The following POMGNT1 variants were observed in gnomAD, a reference collection of about 807,000 sequenced individuals.
The protein encoded by POMGNT1 is protein O-linked-mannose beta-1,2-N-acetylglucosaminyltransferase 1.
POMGNT1 carries 67 observed loss-of-function variants against 95.6 expected under a neutral mutation model. The ratio of observed to expected loss-of-function variants is 0.70; its 90% CI spans 0.58 to 0.86. POMGNT1 has a LOEUF of 0.86. Among genes scored for constraint, POMGNT1 ranks in the 40% least tolerant of loss-of-function variants. The pLI is 0.00. For synonymous variants in POMGNT1, 298 were observed against 317.9 expected, an observed-to-expected ratio of 0.94 and a Z score of 0.66; for missense variants, 719 against 855.2, an observed-to-expected ratio of 0.84 and a Z score of 1.99.
intron 2 of POMGNT1, 43 bp from the exon 3 acceptor site, chr1:46,197,127 A>G: frequency 6.2e-7 from 1 of 1,613,580 alleles, no homozygotes; most frequent in East Asian, 2.2e-5. Flanking sequence ...CACCTCCTTC[A>G]GATCCTAGAG....
chr1:46,216,341 C>T (rs955371881), intron 1 of POMGNT1, among the ~76,000 whole-genome samples: 4 of 151,538 alleles, frequency 2.6e-5, no homozygotes, highest in Admixed American at 1.3e-4. Context: ...CCACCACGCT[C>T]GGCCCTATTT....
rs1302430730 is a variant in POMGNT1, at chr1:46,189,875, GGTGAA to G, written c.1759_1763del (p.Phe587HisfsTer98). 6.2e-7 allele frequency: 1 copy of G among 1,613,788 alleles called. No homozygotes were observed. The highest frequency in any genetic ancestry group is 8.5e-7 in the Non-Finnish European group (1 of 1,180,012). ...GCACCTTGGCAAGCTGGGTCCAGGT[GGTGAA>G]GTCATCATCTTTCTCCATTCGAATA... On this transcript the variant is annotated frameshift_variant, in exon 20 of 22. Coordinates refer to ENST00000371984, the MANE Select transcript of POMGNT1 (RefSeq NM_017739.4). LOFTEE classifies it high-confidence loss of function.
chr1:46,216,570 A>C (rs1659078062), intron 1 of POMGNT1, among the ~76,000 whole-genome samples: 1 of 151,932 alleles, frequency 6.6e-6, no homozygotes, highest in African/African-American at 2.4e-5. Flanking sequence ...TCAAACTCCT[A>C]GACTCAAGTG....
intron 1 of POMGNT1, among the ~76,000 whole-genome samples, chr1:46,210,714 C>G (rs566488115): frequency 6.6e-6 from 1 of 152,268 alleles, no homozygotes; most frequent in Admixed American, 6.5e-5. Flanking sequence ...CTGTGCTCTC[C>G]CTGGGTGCAC....
chr1:46,190,563 G>T, intron 18 of POMGNT1, 46 bp from the exon 19 acceptor site: 4 of 1,551,464 alleles, frequency 2.6e-6, no homozygotes, highest in Non-Finnish European at 3.6e-6. Flanking sequence ...CAGGCCCTCA[G>T]GTCCCATGGG....
intron 1 of POMGNT1, among the ~76,000 whole-genome samples, chr1:46,219,235 C>T (rs1244427493): frequency 2.0e-5 from 3 of 150,596 alleles, no homozygotes; most frequent in Admixed American, 6.7e-5. Flanking sequence ...GCGGAGGTTG[C>T]GGTGAGCTGA....
rs1434252108 is a variant in POMGNT1, at chr1:46,190,778, AG to A, written c.1545del (p.Tyr516ThrfsTer21). On this transcript the variant is annotated frameshift_variant, in exon 18 of 22. Transcript: ENST00000371984. LOFTEE classifies it high-confidence loss of function. ...GLNMNGYFHE[A>X]YFKKHKFNTV... ...GTGTTGAACTTGTGCTTCTTGAAGT[AG>A]GCCTCCTGGAGTGGGTATGAGAGTG... 1 of 1,613,074 alleles carries A rather than the reference AG, an allele frequency of 6.2e-7. No individual in the cohort carries two copies. Among genetic ancestry groups the A allele is most frequent in the Admixed American group, 1.7e-5 (1 of 60,014 alleles).
intron 20 of POMGNT1, 61 bp from the exon 21 acceptor site, chr1:46,189,628 A>G (rs1322661625): frequency 6.4e-7 from 1 of 1,569,608 alleles, no homozygotes; most frequent in Non-Finnish European, 8.7e-7. Flanking sequence ...GGGGTCACTG[A>G]CGACCCTTTG....
chr1:46,208,881 G>A (rs922695300), intron 1 of POMGNT1, among the ~76,000 whole-genome samples: 3 of 152,072 alleles, frequency 2.0e-5, no homozygotes, highest in African/African-American at 7.2e-5. Context: ...TAAAAGGCAT[G>A]AAGCCGTTAT....
rs754169477 is a variant in POMGNT1 at position 46,193,546 on chromosome 1, C to T, written c.1026+18G>A. The T allele has an allele frequency of 1.2e-6, 2 of 1,614,138 alleles. No homozygotes were observed. Among genetic ancestry groups the T allele is most frequent in the South Asian group, 2.2e-5 (2 of 91,072 alleles). On this transcript the variant is annotated intron_variant, in intron 11 of 21. Coordinates refer to ENST00000371984, the MANE Select transcript of POMGNT1 (RefSeq NM_017739.4). The stretch of plus-strand genomic sequence containing the variant: ...CCATGTTGTACTCCACCCGAGGCAC[C>T]CCCCAAGTCCTGCTCACCTCATAGT...
chr1:46,188,925 G>A lies in POMGNT1; in HGVS notation c.*345C>T. 2 of 1,612,808 alleles carry A rather than the reference G, an allele frequency of 1.2e-6. No individual in the cohort carries two copies. The highest frequency in any genetic ancestry group is 1.7e-6 in the Non-Finnish European group (2 of 1,179,874). ...AAGAAATCCAGGCCCTCCAGGTTCG[G>A]CCTGTTTTCAAGGCCCTCAGGACAG... On this transcript the variant is annotated 3_prime_UTR_variant, in exon 22 of 22. Transcript: ENST00000371984.
intron 1 of POMGNT1, among the ~76,000 whole-genome samples, chr1:46,217,117 A>G (rs987231705): frequency 6.6e-6 from 1 of 152,236 alleles, no homozygotes; most frequent in Non-Finnish European, 1.5e-5. Flanking sequence ...AAGATATGGA[A>G]TCTAAGAAAC....
chr1:46,202,605 G>A (rs1658565317), upstream of POMGNT1, among the ~76,000 whole-genome samples: 1 of 142,694 alleles, frequency 7.0e-6, no homozygotes, highest in Admixed American at 7.6e-5. Context: ...AGAGGCAGGA[G>A]AATTGCTTGA....
At chr1:46,212,322 C>A (rs1295363143) in intron 1 of POMGNT1, among the ~76,000 whole-genome samples, 1 of 149,888 alleles carries the variant, frequency 6.7e-6, no homozygotes, top group Non-Finnish European at 1.5e-5. Flanking sequence ...GCTATGTCAT[C>A]CAGGCTGGAG....
chr1:46,217,708 T>C (rs1659109980), intron 1 of POMGNT1, among the ~76,000 whole-genome samples: 2 of 152,006 alleles, frequency 1.3e-5, no homozygotes, highest in Non-Finnish European at 2.9e-5. Flanking sequence ...AATACAAAAA[T>C]TAGCCAGGCG....
At chr1:46,198,645 G>C (rs1034850627), upstream of POMGNT1, among the ~76,000 whole-genome samples, 1 of 152,162 alleles carries the variant, frequency 6.6e-6, no homozygotes, top group Non-Finnish European at 1.5e-5. Flanking sequence ...CTGCCTGCAC[G>C]AGAGCAGCCC....
At chr1:46,209,778 TG>T (rs1658837254) in intron 1 of POMGNT1, among the ~76,000 whole-genome samples, 1 of 152,010 alleles carries the variant, frequency 6.6e-6, no homozygotes, top group African/African-American at 2.4e-5. Flanking sequence ...CCCAAAGTGC[TG>T]GGATTACAAG....
In POMGNT1 at chr1:46,193,585, A is replaced by T. The variant is rs749046557; in HGVS notation, c.1005T>A (p.Val335=). The change falls in exon 11 of 22, where the codon GTT becomes GTA. Residue 335 remains valine (V), a synonymous_variant. Coordinates refer to ENST00000371984, the MANE Select transcript of POMGNT1 (RefSeq NM_017739.4). ...AQGVSPQMIT[V]FIDGYYEEPM... ...TCACCTCATAGTAGCCGTCAATGAA[A>T]ACTGTTATCATCTGAGGAGACACCC... 1.9e-5 allele frequency: 30 copies of T among 1,614,050 alleles called. No homozygotes were observed. The highest frequency in any genetic ancestry group is 2.5e-5 in the Non-Finnish European group (30 of 1,180,022).
chr1:46,197,625 GGTC>G (rs1273471597), intron 2 of POMGNT1, 74 bp downstream of exon 2: 1 of 1,600,008 alleles, frequency 6.2e-7, no homozygotes, highest in Non-Finnish European at 8.6e-7. Context: ...GGCCAACAGG[GGTC>G]CCAGTGCCTG....
Sources: gnomAD v4.1 joint callset for allele counts (sites outside exome capture counted in the v4.1 genomes callset) on GRCh38, gnomAD v4.1.1 for gene constraint, MANE v1.5 for transcripts, NCBI Gene and HGNC (gene_info 2026-07-23, HGNC 2026-07-21) for gene names.